Variants in PPP1R2 observed in about 807,000 individuals in gnomAD.
The protein encoded by PPP1R2 is protein phosphatase 1 regulatory inhibitor subunit 2, also known as protein phosphatase inhibitor 2.
PPP1R2 carries 16 observed loss-of-function variants against 29.9 expected under a neutral mutation model. The ratio of observed to expected loss-of-function variants is 0.53; its 90% confidence interval spans 0.36 to 0.81. The LOEUF (loss-of-function observed/expected upper bound fraction) is 0.81. Among genes scored for constraint, PPP1R2 ranks in the 30% least tolerant of loss-of-function variants. The pLI is 0.00. For synonymous variants in PPP1R2, 76 were observed against 91.5 expected (o/e 0.83, Z 0.96); for missense variants, 197 against 252.7 (o/e 0.78, Z 1.49).
chr3:195,522,277 A>G (rs2108940373), intron 4 of PPP1R2, among the ~76,000 whole-genome samples: 1 of 152,372 alleles, frequency 6.6e-6, no homozygotes, highest in Non-Finnish European at 1.5e-5. Context: ...CTGTCTTCTT[A>G]GACAATAATC....
rs368126205 is a variant in PPP1R2 at position 195,524,833 on chromosome 3, G to T, written c.294C>A (p.Asp98Glu). The stretch of plus-strand genomic sequence containing the variant: ...TTAGTACTTACTTCCTGGCTAAGAT[G>T]TCTGGCGCCATGGCTTCAGTGGCCT... ...DTEATEAMAP[D>E]ILARKLAAAE... is the part of the protein sequence containing the mutation. Residue 98 changes from aspartate to glutamate, a missense_variant, in exon 3 of 6, where the codon GAC becomes GAA. This residue lies in a region of PPP1R2 where 135 missense variants were observed against 163.0 expected (regional missense o/e 0.83). Transcript: ENST00000618156. 2 of 1,613,972 alleles carry T rather than the reference G, an allele frequency of 1.2e-6. No individual in the cohort carries two copies. The highest frequency in any genetic ancestry group is 2.7e-5 in the African/African-American group (2 of 74,912).
chr3:195,535,293 G>A (rs887257911), intron 1 of PPP1R2, among the ~76,000 whole-genome samples: 1 of 152,176 alleles, frequency 6.6e-6, no homozygotes, highest in East Asian at 1.9e-4. Flanking sequence ...CACCTGCCAC[G>A]TGGCCTGGGG....
At chr3:195,537,481 T>TGTGTGTGTGTGTGTGTGTG (rs1719435207) in intron 1 of PPP1R2, among the ~76,000 whole-genome samples, 1 of 128,516 alleles carries the variant, frequency 7.8e-6, no homozygotes, top group Non-Finnish European at 1.6e-5. Context: ...GGATTAGCTA[T>TGTGTGTGTGTGTGTGTGTG]TGTGTGTGTG....
chr3:195,533,505 G>A (rs1301116564), intron 1 of PPP1R2, among the ~76,000 whole-genome samples: 2 of 152,058 alleles, frequency 1.3e-5, no homozygotes, highest in South Asian at 2.1e-4. Context: ...TAACACCATG[G>A]GAGTCATACA....
chr3:195,532,470 G>A (rs909149284), intron 1 of PPP1R2, among the ~76,000 whole-genome samples: 1 of 152,110 alleles, frequency 6.6e-6, no homozygotes, highest in Admixed American at 6.5e-5. Flanking sequence ...GGTAAACAGA[G>A]CTTGCTTTAA....
At chr3:195,533,809 C>T (rs73196135) in intron 1 of PPP1R2, among the ~76,000 whole-genome samples, 40,586 of 152,078 alleles carry the variant, frequency 0.27, 6,395 homozygotes, top group Admixed American at 0.45. Context: ...AGACTATAGA[C>T]TCTAATATGA....
rs1007568760 is a variant in PPP1R2 at position 195,526,126 on chromosome 3, G to T, written c.231-1230C>A. ...AAATTTTTTTTTTTTTTGAGACAGG[G>T]TCTCATTCTGTCACCCAGGAGTACA... On this transcript the variant is annotated intron_variant, in intron 2 of 5. Coordinates refer to ENST00000618156, the MANE Select transcript of PPP1R2 (RefSeq NM_006241.8). Among the ~76,000 whole-genome samples, 6 of 141,142 alleles carry T rather than the reference G, an allele frequency of 4.3e-5. No homozygotes were observed. In the Admixed American group the frequency reaches 4.4e-4, roughly 10 times the overall value. The allele number at this position is 141,142 out of a possible 152,430, so 92.6% of individuals were successfully genotyped here.
intron 2 of PPP1R2, among the ~76,000 whole-genome samples, chr3:195,525,884 T>C (rs527973496): frequency 2.6e-5 from 4 of 152,310 alleles, no homozygotes; most frequent in African/African-American, 9.6e-5. Context: ...GAAGTTGAAA[T>C]TGATCTATGT....
At chr3:195,533,089 G>GT (rs1719247559) in intron 1 of PPP1R2, among the ~76,000 whole-genome samples, 1 of 152,138 alleles carries the variant, frequency 6.6e-6, no homozygotes, top group Non-Finnish European at 1.5e-5. Context: ...AGGCACGTCT[G>GT]TAATCCCAGC....
intron 4 of PPP1R2, among the ~76,000 whole-genome samples, chr3:195,520,826 T>TA (rs1348983434): frequency 1.3e-5 from 2 of 151,822 alleles, no homozygotes; most frequent in African/African-American, 4.8e-5. Context: ...GCCTCCAAAG[T>TA]ACTTTCTCTT....
rs1010581047 is a variant in PPP1R2, at chr3:195,524,669, G to A, written c.308+150C>T. 4.1e-5 allele frequency: 27 copies of A among 666,566 alleles called. No individual in the cohort carries two copies. The African/African-American group carries it at 4.2e-4, about 10-fold the overall frequency. 41.3% of individuals were successfully genotyped at this position (666,566 alleles called of 1,614,324 possible). On this transcript the variant is annotated intron_variant, in intron 3 of 5. Coordinates refer to ENST00000618156, the MANE Select transcript of PPP1R2 (RefSeq NM_006241.8). Reference sequence around the variant, plus strand: ...TTGGTGACTCAGAAGGTGAAAAAAGGGGGAAAAAAGGAAAAAAAAGTCGGC... The same window carrying A: ...TTGGTGACTCAGAAGGTGAAAAAAGAGGGAAAAAAGGAAAAAAAAGTCGGC...
chr3:195,538,708 G>A (rs1031266746), intron 1 of PPP1R2, among the ~76,000 whole-genome samples: 1 of 151,930 alleles, frequency 6.6e-6, no homozygotes, highest in African/African-American at 2.4e-5. Context: ...GAACAGAATA[G>A]TGAACTCCAA....
At chr3:195,526,153 T>C (rs1373790771) in intron 2 of PPP1R2, among the ~76,000 whole-genome samples, 1 of 150,962 alleles carries the variant, frequency 6.6e-6, no homozygotes, top group Non-Finnish European at 1.5e-5. Flanking sequence ...AGGAGTACAG[T>C]GGCACCATCA....
At position 195,515,367 on chromosome 3, in the gene PPP1R2, C is replaced by T. The variant is rs1472715623; in HGVS notation, c.*1529G>A. On this transcript the variant is annotated 3_prime_UTR_variant, in exon 6 of 6. Coordinates refer to ENST00000618156, the MANE Select transcript of PPP1R2 (RefSeq NM_006241.8). The stretch of plus-strand genomic sequence containing the variant: ...AAATACTGCTGTTTCCATAAACCTG[C>T]AAGTGGAAGATAAGCTGTTCAATAA... The T allele has an allele frequency of 1.3e-5, 2 of 152,612 alleles. No homozygotes were observed. The highest frequency in any genetic ancestry group is 4.8e-5 in the African/African-American group (2 of 41,432). 9.5% of individuals were successfully genotyped at this position (152,612 alleles called of 1,614,324 possible). A position where few individuals can be genotyped will look rare whatever the true frequency, so the allele number is the denominator to read the frequency against.
chr3:195,528,698 AACTATTTTTTTTTT>A (rs1459907285), intron 2 of PPP1R2: 3 of 118,192 alleles, frequency 2.5e-5, no homozygotes, highest in South Asian at 6.8e-4. Context: ...GGTAGGGCAT[AACTATTTTTTTTTT>A]TTTTTTTTTT....
intron 1 of PPP1R2, among the ~76,000 whole-genome samples, chr3:195,542,110 T>C (rs1474030940): frequency 1.3e-5 from 2 of 152,232 alleles, no homozygotes; most frequent in African/African-American, 4.8e-5. Flanking sequence ...CCACTACAGA[T>C]ACTGTACTGC....
At chr3:195,529,948 A>C in intron 1 of PPP1R2, 47 bp from the exon 2 acceptor site, 3 of 1,327,070 alleles carry the variant, frequency 2.3e-6, no homozygotes, top group Non-Finnish European at 3.2e-6. Flanking sequence ...GAAAAAGATA[A>C]ACCTGAATAT....
In PPP1R2 at chr3:195,516,559, A is replaced by T. The variant is rs988360986; in HGVS notation, c.*337T>A. The T allele has an allele frequency of 1.8e-5, 4 of 220,082 alleles. No individual in the cohort carries two copies. Among genetic ancestry groups the T allele is most frequent in the African/African-American group, 9.1e-5 (4 of 43,888 alleles). The allele number at this position is 220,082 out of a possible 1,614,324, so 13.6% of individuals were successfully genotyped here. A position where few individuals can be genotyped will look rare whatever the true frequency, so the allele number is the denominator to read the frequency against. ...TACCACATTTCAAGTGATGAAAATA[A>T]ATTAGTTCCCCCCCAAAGATATTGT... On this transcript the variant is annotated 3_prime_UTR_variant, in exon 6 of 6. Transcript: ENST00000618156.
At chr3:195,542,852 A>T in intron 1 of PPP1R2, 52 bp downstream of exon 1, 1 of 1,553,358 alleles carries the variant, frequency 6.4e-7, no homozygotes, top group Non-Finnish European at 8.7e-7. Flanking sequence ...CTGGGTAGGT[A>T]ACGGGCCCGG....
Sources: gnomAD v4.1 joint callset for allele counts (sites outside exome capture counted in the v4.1 genomes callset) on GRCh38, gnomAD v4.1.1 for gene constraint, gnomAD v4.1.1 regional missense constraint, MANE v1.5 for transcripts, NCBI Gene and HGNC (gene_info 2026-07-23, HGNC 2026-07-21) for gene names.